Variants in GRIP1 observed in about 807,000 individuals in gnomAD.
The protein encoded by GRIP1 is glutamate receptor-interacting protein 1.
Under a neutral mutation model 129.9 loss-of-function variants are expected in GRIP1, and 45 were observed. The observed-to-expected ratio is 0.35, with a 90% CI of 0.27 to 0.44. GRIP1 has a LOEUF of 0.44. GRIP1 is among the 20% of genes least tolerant of loss of function. The probability of loss-of-function intolerance (pLI) is 1.00; values close to 1 mark genes in which losing one functional copy is unlikely to be tolerated. For synonymous variants in GRIP1, 530 were observed against 520.8 expected (o/e 1.02, Z -0.24); for missense variants, 1,196 against 1,396.8 (o/e 0.86, Z 2.29).
At chr12:66,736,842 T>C (rs2036617805) in intron 1 of GRIP1, among the ~76,000 whole-genome samples, 1 of 152,150 alleles carries the variant, frequency 6.6e-6, no homozygotes, top group Non-Finnish European at 1.5e-5. Flanking sequence ...CAAGATCCAC[T>C]ATGACATTTT....
chr12:66,611,742 A>T (rs919974141), intron 1 of GRIP1, among the ~76,000 whole-genome samples: 1 of 152,190 alleles, frequency 6.6e-6, no homozygotes. Context: ...CTTTTCTGCC[A>T]TCAGCAAAGA....
chr12:66,514,188 G>A (rs2060780030), intron 7 of GRIP1, among the ~76,000 whole-genome samples: 1 of 152,136 alleles, frequency 6.6e-6, no homozygotes, highest in Non-Finnish European at 1.5e-5. Flanking sequence ...CATAAGAGCA[G>A]GGACCAGGTC....
chr12:66,968,630 T>G (rs2042030296), intron 1 of GRIP1, among the ~76,000 whole-genome samples: 1 of 152,182 alleles, frequency 6.6e-6, no homozygotes, highest in African/African-American at 2.4e-5. Context: ...TTCAGATAAC[T>G]TAAAGTATTT....
At chr12:67,005,776 A>G (rs773368169) in intron 1 of GRIP1, among the ~76,000 whole-genome samples, 1 of 152,220 alleles carries the variant, frequency 6.6e-6, no homozygotes, top group East Asian at 1.9e-4. Context: ...CTGCCACACA[A>G]AAAGATTATC....
intron 1 of GRIP1, among the ~76,000 whole-genome samples, chr12:66,641,125 C>A (rs1353767526): frequency 1.3e-5 from 2 of 152,138 alleles, no homozygotes; most frequent in Non-Finnish European, 1.5e-5. Flanking sequence ...AGGTAGTAAT[C>A]CTTTAGGATA....
At chr12:66,351,433 A>T (rs990420646) in intron 24 of GRIP1, among the ~76,000 whole-genome samples, 4 of 152,212 alleles carry the variant, frequency 2.6e-5, no homozygotes, top group African/African-American at 9.7e-5. Context: ...TTGGTTTCAG[A>T]TATTGTGAGA....
chr12:66,738,878 C>T lies in GRIP1; in HGVS notation c.-420+65175G>A, dbSNP rs138364540. On this transcript the variant is annotated intron_variant, in intron 1 of 4. Coordinates refer to the GRIP1 transcript ENST00000538373. ...TCCAGAATGGAAGCTGACTTTTCTA[C>T]GTTGCCTCTCCACTCATGCCAGAAG... Among the ~76,000 whole-genome samples, 12 of 152,296 alleles carry T rather than the reference C, an allele frequency of 7.9e-5. No homozygotes were observed. In the East Asian group the frequency reaches 1.2e-3, roughly 15 times the overall value.
rs71436010 is a variant in GRIP1 at position 66,533,887 on chromosome 12, A to ACTCTCTCTCTCT, written c.419-3985_419-3974dup. On this transcript the variant is annotated intron_variant, in intron 4 of 24. Coordinates refer to ENST00000359742, the MANE Select transcript of GRIP1 (RefSeq NM_001366722.1). Reference sequence around the variant, plus strand: ...CTCACACACACACACACATACACACACTCTCTCTCTCTCTCTCTTTTCTGA... The same window carrying ACTCTCTCTCTCT: ...CTCACACACACACACACATACACACACTCTCTCTCTCTCTCTCTCTCTCTCTCTCTTTTCTGA... 1.8e-3 allele frequency among the ~76,000 whole-genome samples: 268 copies of ACTCTCTCTCTCT among 148,016 alleles called. 1 individual carries two copies. The highest frequency in any genetic ancestry group is 2.8e-3 in the Non-Finnish European group (187 of 66,846).
intron 1 of GRIP1, among the ~76,000 whole-genome samples, chr12:66,948,723 AAGGATACAT>A (rs2041708909): frequency 6.6e-6 from 1 of 152,234 alleles, no homozygotes; most frequent in African/African-American, 2.4e-5. Context: ...CTGGGTTCCA[AAGGATACAT>A]AGGTAAATGG....
chr12:66,812,304 T>A (rs1166139879), intron 1 of GRIP1, among the ~76,000 whole-genome samples: 4 of 152,150 alleles, frequency 2.6e-5, no homozygotes, highest in Non-Finnish European at 5.9e-5. Flanking sequence ...TGGCTAATTT[T>A]TTGTATTTTT....
rs201316110 is a variant in GRIP1, at chr12:67,008,853, T to C, written c.58+60197A>G. ...GTAATAATTTTTTTAAAAATCCATA[T>C]GCTTTCACTAACAATATGTGCATAT... is the stretch of plus-strand genomic sequence containing the variant. On this transcript the variant is annotated intron_variant, in intron 1 of 1. Transcript: ENST00000643019. 1.6e-4 allele frequency among the ~76,000 whole-genome samples: 25 copies of C among 152,260 alleles called. No individual in the cohort carries two copies. The East Asian group carries it at 4.4e-3, about 27-fold the overall frequency.
In GRIP1 at chr12:66,595,804, A is replaced by G. The variant is rs1363398680; in HGVS notation, c.136+1043T>C. Among the ~76,000 whole-genome samples the G allele has an allele frequency of 2.0e-5, 3 of 152,214 alleles. 1 individual carries two copies. In the South Asian group the frequency reaches 6.2e-4, roughly 32 times the overall value. ...TCATAAGTCCTATACTTTCAAAATG[A>G]ATCTGAGCCTTTGGAATAAGAGTGA... On this transcript the variant is annotated intron_variant, in intron 2 of 24. Coordinates refer to ENST00000359742, the MANE Select transcript of GRIP1 (RefSeq NM_001366722.1).
At chr12:66,384,439 T>C (rs2056264550) in intron 19 of GRIP1, among the ~76,000 whole-genome samples, 1 of 152,254 alleles carries the variant, frequency 6.6e-6, no homozygotes, top group African/African-American at 2.4e-5. Context: ...TTGTGAGATA[T>C]TCCGGGTATG....
At chr12:66,524,546 T>G (rs571692694) in intron 5 of GRIP1, among the ~76,000 whole-genome samples, 147 of 152,074 alleles carry the variant, frequency 9.7e-4, no homozygotes, top group South Asian at 7.3e-3. Context: ...GAGGGAAATT[T>G]ATAGCACTAA....
intron 1 of GRIP1, among the ~76,000 whole-genome samples, chr12:66,741,259 C>G (rs2036779104): frequency 6.6e-6 from 1 of 152,126 alleles, no homozygotes; most frequent in Non-Finnish European, 1.5e-5. Flanking sequence ...CTTAAAAACC[C>G]TTTATTTCAA....
chr12:67,038,133 T>C (rs1458896642), intron 1 of GRIP1, among the ~76,000 whole-genome samples: 3 of 152,204 alleles, frequency 2.0e-5, no homozygotes, highest in African/African-American at 7.2e-5. Flanking sequence ...CCAATGACTT[T>C]TAAAGCTTCC....
chr12:66,834,926 T>TAA (rs71088212), intron 1 of GRIP1, among the ~76,000 whole-genome samples: 26,448 of 92,220 alleles, frequency 0.29, 4,019 homozygotes, highest in Non-Finnish European at 0.37. Context: ...CTCGTCTCTT[T>TAA]AAAAAAAAAA....
intron 1 of GRIP1, among the ~76,000 whole-genome samples, chr12:66,827,471 T>A (rs2039439901): frequency 6.6e-6 from 1 of 151,892 alleles, no homozygotes; most frequent in Non-Finnish European, 1.5e-5. Context: ...TACAAATTTA[T>A]ACACTAATCA....
chr12:66,933,579 A>G (rs2041435638), intron 1 of GRIP1, among the ~76,000 whole-genome samples: 1 of 152,228 alleles, frequency 6.6e-6, no homozygotes, highest in African/African-American at 2.4e-5. Context: ...GCTACTATAT[A>G]CCAGGCATTT....
Sources: allele counts gnomAD v4.1 joint callset (sites outside exome capture counted in the v4.1 genomes callset), GRCh38; gene constraint gnomAD v4.1.1; transcripts MANE v1.5; gene names NCBI Gene and HGNC (gene_info 2026-07-23, HGNC 2026-07-21).